Variants in CCDC30 observed in about 807,000 individuals in gnomAD.
The protein encoded by CCDC30 is coiled-coil domain-containing protein 30.
CCDC30 carries 70 observed loss-of-function variants against 100.2 expected under a neutral mutation model. That is an observed-to-expected ratio of 0.70 (90% CI 0.58 to 0.85). CCDC30 has a LOEUF of 0.85. Ranked by LOEUF, CCDC30 falls within the 40% of genes least tolerant of loss-of-function variation. CCDC30 has a pLI of 0.00. For synonymous variants in CCDC30, 233 were observed against 269.5 expected (o/e 0.86, Z 1.33); for missense variants, 652 against 771.2 (o/e 0.85, Z 1.83).
intron 12 of CCDC30, among the ~76,000 whole-genome samples, chr1:42,638,314 T>C (rs1647197843): frequency 6.6e-6 from 1 of 152,066 alleles, no homozygotes; most frequent in South Asian, 2.1e-4. Flanking sequence ...TAATTGTGCT[T>C]ATAAATAGCC....
downstream of CCDC30, among the ~76,000 whole-genome samples, chr1:42,656,665 T>G: frequency 6.6e-6 from 1 of 151,948 alleles, no homozygotes; most frequent in Middle Eastern, 3.2e-3. Flanking sequence ...AATAATAAAA[T>G]AAATAAAAAG....
At chr1:42,642,174 A>C (rs934686928) in intron 12 of CCDC30, among the ~76,000 whole-genome samples, 21 of 151,978 alleles carry the variant, frequency 1.4e-4, no homozygotes, top group East Asian at 9.7e-4. Context: ...TGCAGTGAGC[A>C]GAGATCACGC....
chr1:42,593,920 C>T (rs1361689951), intron 10 of CCDC30: 1 of 152,156 alleles, frequency 6.6e-6, no homozygotes, highest in Admixed American at 6.5e-5. Context: ...GGCTTCCAAG[C>T]TCATGGCCCA....
intron 6 of CCDC30, among the ~76,000 whole-genome samples, chr1:42,515,509 T>C (rs1209466906): frequency 6.6e-6 from 1 of 152,238 alleles, no homozygotes. Flanking sequence ...TGAGACTGTG[T>C]GTGGACACTG....
In CCDC30 at chr1:42,546,078, C is replaced by T. The variant is rs199510866; in HGVS notation, c.457-20218C>T. Reference sequence around the variant, plus strand: ...CATTTTAAAACTTTTTTCCTGCTTTCAAACAACGAATGTATGCGGCCTGTT... The same window carrying T: ...CATTTTAAAACTTTTTTCCTGCTTTTAAACAACGAATGTATGCGGCCTGTT... On this transcript the variant is annotated intron_variant, in intron 6 of 16. Transcript: ENST00000668663. 1.7e-3 allele frequency among the ~76,000 whole-genome samples: 261 copies of T among 151,748 alleles called. 1 individual carries two copies. Among genetic ancestry groups the T allele is most frequent in the East Asian group, 2.7e-3 (14 of 5,170 alleles).
intron 9 of CCDC30, among the ~76,000 whole-genome samples, 192 bp from the exon 14 acceptor site, chr1:42,589,129 A>G (rs1458481465): frequency 6.6e-6 from 1 of 152,044 alleles, no homozygotes; most frequent in Non-Finnish European, 1.5e-5. Flanking sequence ...CATTTTGATG[A>G]GTGAGTGAGA....
In CCDC30 at chr1:42,550,938, G is replaced by A. The variant is rs114712764; in HGVS notation, c.457-15358G>A. Among the ~76,000 whole-genome samples the A allele has an allele frequency of 7.1e-3, 1,075 of 152,020 alleles. 12 individuals carry two copies. The highest frequency in any genetic ancestry group is 0.024 in the African/African-American group (1,004 of 41,512). ...AGCCACCCCTATTCTGTTCTACTAG[G>A]CTTTAATTCACTTTAATGATATCTT... is the stretch of plus-strand genomic sequence containing the variant. On this transcript the variant is annotated intron_variant, in intron 6 of 16. Transcript: ENST00000668663.
intron 6 of CCDC30, among the ~76,000 whole-genome samples, chr1:42,561,241 CA>C (rs1441034150): frequency 3.9e-5 from 6 of 152,162 alleles, no homozygotes; most frequent in African/African-American, 1.4e-4. Flanking sequence ...AGCAGCACAT[CA>C]AAAAACTTAT....
Position 42,536,606 on chromosome 1 carries a change from T to C in CCDC30, c.457-29690T>C. 3 of 1,482,984 alleles carry C rather than the reference T, an allele frequency of 2.0e-6. No individual in the cohort carries two copies. The highest frequency in any genetic ancestry group is 2.8e-6 in the Non-Finnish European group (3 of 1,067,830). The allele number at this position is 1,482,984 out of a possible 1,614,324, so 91.9% of individuals were successfully genotyped here. ...GCCTTGAAAGTTGAAAGTGAGGTAT[T>C]ACCATTCAGGAAGCTGTTTTCTTCT... On this transcript the variant is annotated intron_variant, in intron 6 of 16. Transcript: ENST00000668663.
At chr1:42,595,692 G>A (rs1385673896) in intron 10 of CCDC30, 1 of 152,194 alleles carries the variant, frequency 6.6e-6, no homozygotes, top group African/African-American at 2.4e-5. Context: ...GTTGCTTGCT[G>A]GTTCTCCCAG....
intron 7 of CCDC30, among the ~76,000 whole-genome samples, chr1:42,575,365 C>G (rs1419912651): frequency 6.6e-6 from 1 of 151,930 alleles, no homozygotes; most frequent in African/African-American, 2.4e-5. Flanking sequence ...AAAACATAGT[C>G]TTGGCTGGGT....
At chr1:42,526,880 T>C (rs1479807296) in intron 6 of CCDC30, among the ~76,000 whole-genome samples, 1 of 152,208 alleles carries the variant, frequency 6.6e-6, no homozygotes, top group Non-Finnish European at 1.5e-5. Context: ...TTCAAATTTG[T>C]CTCTGAATAT....
chr1:42,641,809 A>G (rs117346809), intron 12 of CCDC30, among the ~76,000 whole-genome samples: 11,926 of 151,726 alleles, frequency 0.079, 572 homozygotes, highest in South Asian at 0.15. Context: ...GAGCCGAGAT[A>G]TTGCCACTGC....
intron 6 of CCDC30, among the ~76,000 whole-genome samples, chr1:42,561,335 A>G (rs1449894166): frequency 6.6e-6 from 1 of 152,224 alleles, no homozygotes; most frequent in Non-Finnish European, 1.5e-5. Context: ...CCATCACATA[A>G]ACGGAACCAA....
At chr1:42,627,042 C>T (rs1032782090) in intron 11 of CCDC30, among the ~76,000 whole-genome samples, 1 of 152,076 alleles carries the variant, frequency 6.6e-6, no homozygotes, top group Admixed American at 6.5e-5. Flanking sequence ...CAGAAGAAGA[C>T]AGGAAAATGT....
At chr1:42,537,647 C>T in intron 6 of CCDC30, 1 of 198,280 alleles carries the variant, frequency 5.0e-6, no homozygotes, top group Non-Finnish European at 1.0e-5. Flanking sequence ...AGTGCACATC[C>T]TGTGTCATCA....
At chr1:42,542,917 A>G (rs1489431555) in intron 6 of CCDC30, 1 of 153,682 alleles carries the variant, frequency 6.5e-6, no homozygotes, top group African/African-American at 2.4e-5. Flanking sequence ...TTACTACTTA[A>G]GTGACTAACA....
At chr1:42,548,629 T>TTGC (rs1253974357) in intron 6 of CCDC30, among the ~76,000 whole-genome samples, 1 of 152,164 alleles carries the variant, frequency 6.6e-6, no homozygotes, top group Admixed American at 6.5e-5. Context: ...AGTGAAATAG[T>TTGC]TGCTGCTGCT....
In CCDC30 at chr1:42,577,045, A is replaced by G. The variant is rs748052909; in HGVS notation, c.662A>G (p.Gln221Arg). The G allele has an allele frequency of 1.9e-5, 31 of 1,613,692 alleles. No individual in the cohort carries two copies. The East Asian group carries it at 6.9e-4, about 36-fold the overall frequency. The change falls in exon 8 of 17, where the codon CAA becomes CGA. Residue 221 changes from glutamine (Q) to arginine (R), a missense_variant. Transcript: ENST00000668663. ...ATAAAGATTGAACTAAAGCATGCCC[A>G]ACAGAAGTTATTAGACAGCACAAAG...
Sources: allele counts gnomAD v4.1 joint callset (sites outside exome capture counted in the v4.1 genomes callset), GRCh38; gene constraint gnomAD v4.1.1; transcripts MANE v1.5; gene names NCBI Gene and HGNC (gene_info 2026-07-23, HGNC 2026-07-21).